Variants in CD8B observed in about 807,000 individuals in gnomAD.
CD8B encodes CD8 subunit beta.
A neutral mutation model predicts 24.2 loss-of-function variants in CD8B; 6 were observed. That is an observed-to-expected ratio of 0.25 (90% confidence interval 0.14 to 0.49). The LOEUF is 0.49. Among genes scored for constraint, CD8B ranks in the 20% least tolerant of loss-of-function variants. The pLI is 0.98. For missense variants in CD8B, 196 were observed against 271.3 expected (o/e 0.72, Z 1.95); for synonymous variants, 84 against 108.3 (o/e 0.78, Z 1.39).
At chr2:86,822,327 A>G in intron 5 of CD8B, 1 of 1,575,522 alleles carries the variant, frequency 6.3e-7, no homozygotes, top group African/African-American at 1.3e-5. Context: ...ATACCTGTAT[A>G]TTCAGTAGTC....
chr2:86,823,026 A>G (rs79741033), intron 5 of CD8B, among the ~76,000 whole-genome samples: 15,043 of 152,204 alleles, frequency 0.099, 774 homozygotes, highest in Middle Eastern at 0.14. Flanking sequence ...CTCCACTGGC[A>G]TTAAGTATAT....
Position 86,823,830 on chromosome 2 carries a change from G to A in CD8B, c.621-8112C>T, listed in dbSNP as rs1674574552. Among the ~76,000 whole-genome samples the A allele has an allele frequency of 3.9e-5, 6 of 152,260 alleles. No homozygotes were observed. The South Asian group carries it at 1.2e-3, about 32-fold the overall frequency. ...AGAATGACGGAGAGTGAGAAGTGCT[G>A]TAAGTGCAGTGACAGACACCGCCCC... On this transcript the variant is annotated intron_variant, in intron 5 of 5. Transcript: ENST00000331469.
chr2:86,852,522 C>A (rs1444431953), intron 3 of CD8B, among the ~76,000 whole-genome samples: 2 of 151,760 alleles, frequency 1.3e-5, no homozygotes, highest in Non-Finnish European at 2.9e-5. Flanking sequence ...AGGCAGCAAC[C>A]AATCTACATT....
chr2:86,816,969 T>C (rs1026478193), intron 5 of CD8B, among the ~76,000 whole-genome samples: 2 of 152,194 alleles, frequency 1.3e-5, no homozygotes, highest in Non-Finnish European at 2.9e-5. Context: ...TCTTTATCCA[T>C]AACATATCAG....
downstream of CD8B, among the ~76,000 whole-genome samples, chr2:86,833,318 C>T (rs532405972): frequency 3.3e-5 from 5 of 151,400 alleles, no homozygotes; most frequent in South Asian, 4.2e-4. Context: ...CTCAGCCTCC[C>T]GAGTAGCTGG....
chr2:86,845,358 A>G (rs1387155000), intron 4 of CD8B, among the ~76,000 whole-genome samples: 1 of 152,218 alleles, frequency 6.6e-6, no homozygotes, highest in Non-Finnish European at 1.5e-5. Flanking sequence ...GTCTCAGGCT[A>G]GGGCAATTGC....
chr2:86,845,038 C>T (rs1158613058), intron 4 of CD8B, 80 bp from the exon 5 acceptor site: 3 of 1,545,806 alleles, frequency 1.9e-6, no homozygotes, highest in Non-Finnish European at 2.6e-6. Context: ...GGAGGATTGT[C>T]ACAGGGGCAG....
rs1182705224 is a variant in CD8B at position 86,856,629 on chromosome 2, G to GC, written c.403+1427dup. 3.9e-5 allele frequency among the ~76,000 whole-genome samples: 6 copies of GC among 152,020 alleles called. No homozygotes were observed. The South Asian group carries it at 1.0e-3, about 26-fold the overall frequency. On this transcript the variant is annotated intron_variant, in intron 2 of 5. Coordinates refer to ENST00000390655, the MANE Select transcript of CD8B (RefSeq NM_004931.5). ...TTTAGTGCCCTCAAGTGAGCAGGAA[G>GC]CAGGGCAGTGGGAGCCCTGGAGGGG...
At chr2:86,852,212 C>G (rs1486160190) in intron 3 of CD8B, among the ~76,000 whole-genome samples, 1 of 152,174 alleles carries the variant, frequency 6.6e-6, no homozygotes, top group African/African-American at 2.4e-5. Context: ...GGCGATCCAC[C>G]CATCTGGGCC....
At chr2:86,825,737 T>A (rs1343582645) in intron 5 of CD8B, among the ~76,000 whole-genome samples, 3 of 152,212 alleles carry the variant, frequency 2.0e-5, no homozygotes, top group African/African-American at 7.2e-5. Context: ...GGACCCGTTC[T>A]TCGCTGCCAC....
chr2:86,853,854 T>C (rs1357780113), intron 2 of CD8B, among the ~76,000 whole-genome samples: 1 of 152,154 alleles, frequency 6.6e-6, no homozygotes, highest in Admixed American at 6.6e-5. Flanking sequence ...TACAGGCACG[T>C]ACCACTGCAT....
chr2:86,817,119 A>T (rs62146081), intron 5 of CD8B, among the ~76,000 whole-genome samples: 8,890 of 152,312 alleles, frequency 0.058, 329 homozygotes, highest in Non-Finnish European at 0.086. Flanking sequence ...ATCATTTTAT[A>T]TTCAAATTAG....
chr2:86,842,077 A>AAGTG lies in CD8B; in HGVS notation c.*226_*229dup, dbSNP rs1675459006. On this transcript the variant is annotated 3_prime_UTR_variant, in exon 6 of 6. Transcript: ENST00000390655. ...ACTCAGTCCTCCAGCACACTCTGTG[A>AAGTG]AGTGCCCTGGGGGCAATGAAACCTT... 5 of 1,313,740 alleles carry AAGTG rather than the reference A, an allele frequency of 3.8e-6. No individual in the cohort carries two copies. The highest frequency in any genetic ancestry group is 4.9e-6 in the Non-Finnish European group (5 of 1,026,944). 81.4% of individuals were successfully genotyped at this position (1,313,740 alleles called of 1,614,324 possible).
At chr2:86,855,650 T>A (rs1056140287) in intron 2 of CD8B, among the ~76,000 whole-genome samples, 1 of 152,254 alleles carries the variant, frequency 6.6e-6, no homozygotes, top group Non-Finnish European at 1.5e-5. Context: ...AAGAGGAAAC[T>A]GTCATCAGCA....
At chr2:86,860,592 C>T (rs1336901649) in intron 1 of CD8B, among the ~76,000 whole-genome samples, 12 of 152,180 alleles carry the variant, frequency 7.9e-5, no homozygotes, top group African/African-American at 2.9e-4. Context: ...TAAAGATGTG[C>T]TCAAGGTCAC....
rs2228022 is a variant in CD8B at position 86,846,729 on chromosome 2, C to G, written c.538G>C (p.Val180Leu). The G allele has an allele frequency of 6.3e-7, 1 of 1,584,166 alleles. No individual in the cohort carries two copies. Among genetic ancestry groups the G allele is most frequent in the Admixed American group, 1.8e-5 (1 of 55,572 alleles). ...CCCAGGGAAACCAGCAGAACCAGGACGCCAGCCACCAGCAGGCCAAGGGTG... is the reference window on the plus strand; with the variant it reads ...CCCAGGGAAACCAGCAGAACCAGGAGGCCAGCCACCAGCAGGCCAAGGGTG... ...PITLGLLVAG[V>L]LVLLVSLGVA... The change falls in exon 4 of 6, where the codon GTC (valine) becomes CTC (leucine). Residue 180 changes from valine to leucine, a missense_variant. Transcript: ENST00000390655.
At chr2:86,821,375 G>A (rs1271308726) in intron 5 of CD8B, among the ~76,000 whole-genome samples, 1 of 152,148 alleles carries the variant, frequency 6.6e-6, no homozygotes, top group Non-Finnish European at 1.5e-5. Context: ...TCGTTCTGCG[G>A]TTAAGAAACC....
chr2:86,854,289 C>A (rs1573524684), intron 2 of CD8B, among the ~76,000 whole-genome samples: 1 of 152,144 alleles, frequency 6.6e-6, no homozygotes, highest in East Asian at 1.9e-4. Flanking sequence ...ACTCGGCATT[C>A]CCTAAGCACA....
intron 5 of CD8B, among the ~76,000 whole-genome samples, chr2:86,830,335 C>A (rs1674858262): frequency 6.6e-6 from 1 of 152,130 alleles, no homozygotes; most frequent in African/African-American, 2.4e-5. Flanking sequence ...AATCACAGCA[C>A]TTTGGCGAGT....
Sources: gnomAD v4.1 joint callset for allele counts (sites outside exome capture counted in the v4.1 genomes callset) on GRCh38, gnomAD v4.1.1 for gene constraint, MANE v1.5 for transcripts, NCBI Gene and HGNC (gene_info 2026-07-23, HGNC 2026-07-21) for gene names.